The following ADGRB3 variants were observed in gnomAD, a reference collection of about 807,000 sequenced individuals.
ADGRB3 encodes brain-specific angiogenesis inhibitor 3.
A neutral mutation model predicts 193.4 loss-of-function variants in ADGRB3; 37 were observed. The ratio of observed to expected loss-of-function variants is 0.19; its 90% confidence interval spans 0.15 to 0.25. ADGRB3 has a LOEUF of 0.25. ADGRB3 is among the 10% of genes least tolerant of loss of function. The pLI, the probability that ADGRB3 is intolerant of heterozygous loss-of-function variation, is 1.00. For missense variants in ADGRB3, 1,637 were observed against 1,852.9 expected (o/e 0.88, Z 2.14); for synonymous variants, 690 against 644.2 (o/e 1.07, Z -1.08).
chr6:68,928,052 A>C (rs1158956900), intron 3 of ADGRB3, among the ~76,000 whole-genome samples: 1 of 149,688 alleles, frequency 6.7e-6, no homozygotes, highest in East Asian at 1.9e-4. Context: ...AGGATATTGA[A>C]ATTTAATTTC....
intron 13 of ADGRB3, among the ~76,000 whole-genome samples, chr6:69,043,174 G>A (rs1461614213): frequency 2.6e-5 from 4 of 151,418 alleles, no homozygotes; most frequent in Non-Finnish European, 5.9e-5. Flanking sequence ...AAATAAGGCA[G>A]CCCCTTCCCT....
chr6:69,062,548 A>G (rs541159376), intron 15 of ADGRB3, among the ~76,000 whole-genome samples: 1 of 151,940 alleles, frequency 6.6e-6, no homozygotes, highest in South Asian at 2.1e-4. Flanking sequence ...TTGCAATAAG[A>G]GTATTTGATC....
chr6:68,900,484 T>C (rs1766364690), intron 3 of ADGRB3, among the ~76,000 whole-genome samples: 1 of 152,092 alleles, frequency 6.6e-6, no homozygotes, highest in Admixed American at 6.5e-5. Context: ...TCTGAAGATA[T>C]CTGAAGATAT....
chr6:68,846,619 C>T (rs535386674), intron 3 of ADGRB3, among the ~76,000 whole-genome samples: 9 of 152,342 alleles, frequency 5.9e-5, no homozygotes, highest in Admixed American at 5.9e-4. Flanking sequence ...AAAACCTTGG[C>T]AGCTTCCATG....
intron 3 of ADGRB3, among the ~76,000 whole-genome samples, chr6:68,679,165 CAA>C (rs535614813): frequency 6.6e-6 from 1 of 151,652 alleles, no homozygotes; most frequent in African/African-American, 2.4e-5. Context: ...CAAGTCTAGA[CAA>C]AAAAAATCAA....
chr6:68,971,544 A>G (rs2150263799), intron 8 of ADGRB3, among the ~76,000 whole-genome samples: 1 of 152,360 alleles, frequency 6.6e-6, no homozygotes, highest in South Asian at 2.1e-4. Context: ...AACTGTGTAC[A>G]GGAGGAAGAG....
chr6:68,887,444 C>T lies in ADGRB3; in HGVS notation c.758-43115C>T, dbSNP rs527510241. On this transcript the variant is annotated intron_variant, in intron 3 of 31. Coordinates refer to ENST00000370598, the MANE Select transcript of ADGRB3 (RefSeq NM_001704.3). ...TTGAACTGCCTGTTCACATTCTTGG[C>T]ACATTTTCCACCAGAGAGGTCAAAC... 1.5e-3 allele frequency among the ~76,000 whole-genome samples: 221 copies of T among 152,128 alleles called. 1 individual carries two copies. Among genetic ancestry groups the T allele is most frequent in the Middle Eastern group, 3.4e-3 (1 of 294 alleles).
chr6:68,973,004 G>C (rs940148860), intron 8 of ADGRB3, among the ~76,000 whole-genome samples: 1 of 152,194 alleles, frequency 6.6e-6, no homozygotes, highest in African/African-American at 2.4e-5. Flanking sequence ...GCTGGTGAAG[G>C]TTGAATTAAC....
intron 3 of ADGRB3, among the ~76,000 whole-genome samples, chr6:68,722,519 G>A (rs1214317444): frequency 2.0e-5 from 3 of 151,444 alleles, no homozygotes; most frequent in African/African-American, 7.3e-5. Context: ...ATTTGTGGCT[G>A]CCACAAAACT....
intron 20 of ADGRB3, among the ~76,000 whole-genome samples, chr6:69,274,445 TTTCCTTCC>T (rs550005820): frequency 3.2e-4 from 40 of 123,422 alleles, no homozygotes; most frequent in African/African-American, 1.2e-3. Flanking sequence ...GGTGGTTGCA[TTTCCTTCC>T]TTCCTTCCTT....
intron 20 of ADGRB3, among the ~76,000 whole-genome samples, chr6:69,295,541 G>A (rs890235008): frequency 2.0e-5 from 3 of 152,118 alleles, no homozygotes; most frequent in Non-Finnish European, 4.4e-5. Context: ...TCCTCCAAGG[G>A]CTGAGAAGAA....
At chr6:69,095,214 G>A (rs1002169074) in intron 17 of ADGRB3, among the ~76,000 whole-genome samples, 10 of 152,154 alleles carry the variant, frequency 6.6e-5, no homozygotes, top group Admixed American at 3.3e-4. Context: ...TTAAATGGTA[G>A]GAATATGTAG....
chr6:68,920,488 G>T (rs1767007155), intron 3 of ADGRB3, among the ~76,000 whole-genome samples: 1 of 124,262 alleles, frequency 8.0e-6, no homozygotes, highest in African/African-American at 3.1e-5. Context: ...TTGCACTCCA[G>T]CCTCGGCGAC....
At chr6:68,973,446 T>A (rs9454663) in intron 8 of ADGRB3, among the ~76,000 whole-genome samples, 39,742 of 152,082 alleles carry the variant, frequency 0.26, 5,456 homozygotes, top group Middle Eastern at 0.42. Context: ...CTGATAACTA[T>A]AAGGTAATTT....
intron 17 of ADGRB3, among the ~76,000 whole-genome samples, chr6:69,151,949 C>T (rs549480318): frequency 6.8e-4 from 104 of 152,226 alleles, no homozygotes; most frequent in Non-Finnish European, 1.1e-3. Context: ...TTATAAGGAG[C>T]TTTTTCCCCT....
chr6:69,003,391 A>T (rs1186050044), intron 11 of ADGRB3, among the ~76,000 whole-genome samples: 1 of 152,156 alleles, frequency 6.6e-6, no homozygotes, highest in African/African-American at 2.4e-5. Flanking sequence ...GTATCAGGGA[A>T]AATGGAAACA....
intron 20 of ADGRB3, among the ~76,000 whole-genome samples, chr6:69,254,976 C>T (rs1222611188): frequency 4.8e-4 from 72 of 150,164 alleles, no homozygotes; most frequent in African/African-American, 1.5e-3. Context: ...TTTGTTCTTG[C>T]GATAGTTTAC....
chr6:68,976,316 A>G (rs1768746981), intron 10 of ADGRB3, among the ~76,000 whole-genome samples: 1 of 152,176 alleles, frequency 6.6e-6, no homozygotes, highest in Admixed American at 6.5e-5. Context: ...TAAAATCTGA[A>G]AGTCAAATTC....
At chr6:68,821,168 T>C (rs1034120211) in intron 3 of ADGRB3, among the ~76,000 whole-genome samples, 3 of 152,200 alleles carry the variant, frequency 2.0e-5, no homozygotes, top group African/African-American at 4.8e-5. Context: ...TTTATAAATA[T>C]TAATCAAATA....
Sources: allele counts gnomAD v4.1 joint callset (sites outside exome capture counted in the v4.1 genomes callset), GRCh38; gene constraint gnomAD v4.1.1; transcripts MANE v1.5; gene names NCBI Gene and HGNC (gene_info 2026-07-23, HGNC 2026-07-21).